STK32B: variants seen among roughly 807,000 people sequenced by gnomAD.
STK32B encodes the protein serine/threonine-protein kinase 32B.
A neutral mutation model predicts 52.6 loss-of-function variants in STK32B; 43 were observed. That is an observed-to-expected ratio of 0.82 (90% CI 0.64 to 1.05). The LOEUF (loss-of-function observed/expected upper bound fraction) is 1.05. Ranked by LOEUF, STK32B falls within the 50% of genes least tolerant of loss-of-function variation. The pLI, the probability that STK32B is intolerant of heterozygous loss-of-function variation, is 0.00. For missense variants in STK32B, 621 were observed against 534.6 expected (o/e 1.16, Z -1.59); for synonymous variants, 238 against 204.3 (o/e 1.17, Z -1.41).
chr4:5,235,865 G>C (rs1724596354), intron 3 of STK32B, among the ~76,000 whole-genome samples: 1 of 152,214 alleles, frequency 6.6e-6, no homozygotes, highest in South Asian at 2.1e-4. Context: ...TAGACACATA[G>C]GAGAGGAGAT....
chr4:5,242,710 G>T (rs1237628011), intron 3 of STK32B, among the ~76,000 whole-genome samples: 2 of 151,064 alleles, frequency 1.3e-5, no homozygotes, highest in Non-Finnish European at 2.9e-5. Context: ...TATGGTTTTA[G>T]GTCTAACATG....
At chr4:5,476,655 C>T (rs1718264406) in intron 11 of STK32B, among the ~76,000 whole-genome samples, 1 of 151,978 alleles carries the variant, frequency 6.6e-6, no homozygotes, top group African/African-American at 2.4e-5. Flanking sequence ...CGCCTAGCAC[C>T]TGTGAAGATG....
intron 1 of STK32B, among the ~76,000 whole-genome samples, chr4:5,095,479 G>A (rs558516117): frequency 1.1e-4 from 17 of 152,236 alleles, no homozygotes; most frequent in Admixed American, 2.6e-4. Flanking sequence ...GCCAGGCGTG[G>A]TGGCACATGC....
intron 3 of STK32B, among the ~76,000 whole-genome samples, chr4:5,223,170 G>A (rs1331938082): frequency 6.6e-6 from 1 of 152,246 alleles, no homozygotes; most frequent in Non-Finnish European, 1.5e-5. Flanking sequence ...AGCCTTGGCA[G>A]CATCCATGTG....
intron 1 of STK32B, among the ~76,000 whole-genome samples, chr4:5,079,135 A>G (rs1712257468): frequency 6.6e-6 from 1 of 152,142 alleles, no homozygotes; most frequent in Admixed American, 6.5e-5. Context: ...TTGCCAGAAT[A>G]TGTTTTAAAC....
chr4:5,482,865 T>C (rs980919798), intron 11 of STK32B, among the ~76,000 whole-genome samples: 6 of 152,178 alleles, frequency 3.9e-5, no homozygotes, highest in African/African-American at 1.4e-4. Context: ...TTGTCTTTGG[T>C]TCTGTTTATA....
the STK32B span, among the ~76,000 whole-genome samples, chr4:5,035,938 C>T: frequency 3.3e-5 from 5 of 151,950 alleles, no homozygotes; most frequent in African/African-American, 1.2e-4. Flanking sequence ...CCCGCCACCA[C>T]ACCCGGCTAA....
intron 3 of STK32B, among the ~76,000 whole-genome samples, chr4:5,221,843 A>T (rs1011887130): frequency 8.1e-6 from 1 of 123,266 alleles, no homozygotes; most frequent in African/African-American, 3.3e-5. Context: ...AGACAGAGCA[A>T]GACTCTGTCT....
intron 3 of STK32B, among the ~76,000 whole-genome samples, chr4:5,209,808 G>A (rs1722797480): frequency 1.3e-5 from 2 of 152,108 alleles, no homozygotes; most frequent in South Asian, 4.1e-4. Context: ...TGAGAAAGTA[G>A]GTTGGATACT....
chr4:5,298,299 A>T (rs893875089), intron 3 of STK32B, among the ~76,000 whole-genome samples: 4 of 152,168 alleles, frequency 2.6e-5, no homozygotes, highest in African/African-American at 9.7e-5. Flanking sequence ...GTTCCTTAGG[A>T]GAGCTCAAGC....
rs374170766 is a variant in STK32B at position 5,374,140 on chromosome 4, C to G, written c.435-24067C>G. On this transcript the variant is annotated intron_variant, in intron 4 of 11. Coordinates refer to ENST00000282908, the MANE Select transcript of STK32B (RefSeq NM_018401.3). Reference sequence around the variant, plus strand: ...ACAAGCCAAGGAATGCCAGGAACCACCAGAAACTGAAAGAGGCAAGAAGAG... The same window carrying G: ...ACAAGCCAAGGAATGCCAGGAACCAGCAGAAACTGAAAGAGGCAAGAAGAG... Among the ~76,000 whole-genome samples the G allele has an allele frequency of 2.0e-4, 30 of 152,242 alleles. No individual in the cohort carries two copies. In the East Asian group the frequency reaches 5.4e-3, roughly 27 times the overall value.
chr4:5,446,528 G>A, intron 6 of STK32B, 145 bp from the exon 7 acceptor site: 1 of 648,032 alleles, frequency 1.5e-6, no homozygotes, highest in Non-Finnish European at 2.6e-6. Flanking sequence ...TTATGTGCCA[G>A]CCTGGGCAGC....
At chr4:5,067,697 A>G (rs951289439) in intron 1 of STK32B, among the ~76,000 whole-genome samples, 3 of 152,248 alleles carry the variant, frequency 2.0e-5, no homozygotes, top group African/African-American at 7.2e-5. Context: ...TCACACTACT[A>G]TAAAGAAATA....
chr4:5,314,797 C>T (rs1254742515), intron 3 of STK32B, among the ~76,000 whole-genome samples: 1 of 151,842 alleles, frequency 6.6e-6, no homozygotes, highest in African/African-American at 2.4e-5. Context: ...GCAAAACGGG[C>T]TGGGAAATTT....
At chr4:5,405,634 G>A (rs1737609570) in intron 5 of STK32B, among the ~76,000 whole-genome samples, 2 of 152,130 alleles carry the variant, frequency 1.3e-5, no homozygotes, top group African/African-American at 4.8e-5. Flanking sequence ...TATAATCATG[G>A]CAGAAGGTGA....
At chr4:5,271,927 A>G (rs1473983667) in intron 3 of STK32B, among the ~76,000 whole-genome samples, 20 of 147,048 alleles carry the variant, frequency 1.4e-4, no homozygotes, top group African/African-American at 4.0e-4. Context: ...GGTTTTCTAG[A>G]TATACAATCA....
At chr4:5,344,254 G>A (rs1733299064) in intron 4 of STK32B, among the ~76,000 whole-genome samples, 1 of 152,182 alleles carries the variant, frequency 6.6e-6, no homozygotes, top group Non-Finnish European at 1.5e-5. Flanking sequence ...ATCAAAGTGG[G>A]TTTGGTACAT....
intron 1 of STK32B, among the ~76,000 whole-genome samples, chr4:5,072,531 C>T (rs1161874277): frequency 6.6e-6 from 1 of 152,092 alleles, no homozygotes; most frequent in African/African-American, 2.4e-5. Flanking sequence ...ATTTCAACAC[C>T]AAGACACTGA....
chr4:5,446,566 C>CA (rs546330873), intron 6 of STK32B, 107 bp from the exon 7 acceptor site: 126,624 of 687,112 alleles, frequency 0.18, 114 homozygotes, highest in South Asian at 0.23. Flanking sequence ...CAAAAAAAAA[C>CA]AAAAAAAAAA....
Sources: allele counts gnomAD v4.1 joint callset (sites outside exome capture counted in the v4.1 genomes callset), GRCh38; gene constraint gnomAD v4.1.1; transcripts MANE v1.5; gene names NCBI Gene and HGNC (gene_info 2026-07-23, HGNC 2026-07-21).